GRIN2A: variants seen among roughly 807,000 people sequenced by gnomAD.
The protein encoded by GRIN2A is glutamate receptor ionotropic, NMDA 2A.
GRIN2A carries 22 observed loss-of-function variants against 113.4 expected under a neutral mutation model. The ratio of observed to expected loss-of-function variants is 0.19; its 90% CI spans 0.14 to 0.28. The LOEUF (loss-of-function observed/expected upper bound fraction) is 0.28. Among genes scored for constraint, GRIN2A ranks in the 10% least tolerant of loss-of-function variants. The pLI, the probability that GRIN2A is intolerant of heterozygous loss-of-function variation, is 1.00. For synonymous variants in GRIN2A, 827 were observed against 738.4 expected (o/e 1.12, Z -1.94); for missense variants, 1,502 against 1,887.0 (o/e 0.80, Z 3.78).
rs142292135 is a variant in GRIN2A, at chr16:9,935,775, A to G, written c.1007+2184T>C. 2.0e-4 allele frequency among the ~76,000 whole-genome samples: 30 copies of G among 152,158 alleles called. No homozygotes were observed. In the East Asian group the frequency reaches 5.8e-3, roughly 29 times the overall value. ...CAGTGGTGCGATCTCAGCTCACTGC[A>G]ACCTCTGCCTCTCCCTCTTGGGTTC... On this transcript the variant is annotated intron_variant, in intron 3 of 12. Transcript: ENST00000330684.
chr16:9,929,350 C>T (rs573830955), intron 3 of GRIN2A, among the ~76,000 whole-genome samples: 8 of 152,332 alleles, frequency 5.3e-5, no homozygotes, highest in African/African-American at 1.7e-4. Flanking sequence ...TGTTCCCCAA[C>T]ATTTCTTTCC....
chr16:10,075,897 G>A (rs1338024089), intron 2 of GRIN2A, among the ~76,000 whole-genome samples: 1 of 152,116 alleles, frequency 6.6e-6, no homozygotes, highest in Non-Finnish European at 1.5e-5. Flanking sequence ...TACAACTAGT[G>A]TTTATAACTC....
At chr16:10,124,113 G>A (rs76790181) in intron 2 of GRIN2A, among the ~76,000 whole-genome samples, 4,475 of 152,200 alleles carry the variant, frequency 0.029, 115 homozygotes, top group South Asian at 0.12. Context: ...CATCAGCTTA[G>A]GTTGTTAAAA....
At chr16:9,856,682 A>G (rs945460487) in intron 4 of GRIN2A, among the ~76,000 whole-genome samples, 1 of 152,058 alleles carries the variant, frequency 6.6e-6, no homozygotes, top group African/African-American at 2.4e-5. Flanking sequence ...TTCCGTTTCT[A>G]CTATTCCGAA....
intron 2 of GRIN2A, among the ~76,000 whole-genome samples, chr16:10,087,776 A>C (rs552981115): frequency 6.6e-6 from 1 of 151,828 alleles, no homozygotes; most frequent in East Asian, 1.9e-4. Context: ...TGCAGCCTCC[A>C]TCGGGGCTCA....
chr16:9,800,320 C>T (rs1353566917), intron 10 of GRIN2A, among the ~76,000 whole-genome samples: 1 of 152,050 alleles, frequency 6.6e-6, no homozygotes, highest in Non-Finnish European at 1.5e-5. Context: ...AGTTATTTAA[C>T]GAGGCTGAAA....
Position 9,762,881 on chromosome 16 carries a change from C to T in GRIN2A, c.*268G>A, listed in dbSNP as rs886052553. 1.1e-4 allele frequency: 61 copies of T among 545,524 alleles called. 1 individual carries two copies. Among genetic ancestry groups the T allele is most frequent in the Middle Eastern group, 9.9e-4 (2 of 2,024 alleles). The allele number at this position is 545,524 out of a possible 1,614,324, so 33.8% of individuals were successfully genotyped here. A position where few individuals can be genotyped will look rare whatever the true frequency, so the allele number is the denominator to read the frequency against. On this transcript the variant is annotated 3_prime_UTR_variant, in exon 13 of 13. Transcript: ENST00000330684. ...GCCAACATACCCAGTAGGCATGTCC[C>T]GGAGACTTGCCCTTATGTAGTTAGT...
intron 11 of GRIN2A, among the ~76,000 whole-genome samples, chr16:9,781,089 A>G (rs892613197): frequency 6.6e-6 from 1 of 151,146 alleles, no homozygotes; most frequent in Non-Finnish European, 1.5e-5. Context: ...CTGCCTTTGT[A>G]GCACAAAAAC....
At chr16:10,086,778 G>A (rs1348005399) in intron 2 of GRIN2A, among the ~76,000 whole-genome samples, 3 of 152,134 alleles carry the variant, frequency 2.0e-5, no homozygotes, top group Admixed American at 6.5e-5. Context: ...AGAGCAAGCC[G>A]CAGTGCTAGG....
chr16:9,853,568 T>C (rs1011432784), intron 4 of GRIN2A, among the ~76,000 whole-genome samples: 11 of 152,192 alleles, frequency 7.2e-5, no homozygotes, highest in African/African-American at 2.7e-4. Flanking sequence ...CTGTGGTTTA[T>C]AAGCCACCCA....
At chr16:10,122,826 T>C (rs1271503525) in intron 2 of GRIN2A, among the ~76,000 whole-genome samples, 1 of 152,124 alleles carries the variant, frequency 6.6e-6, no homozygotes, top group East Asian at 1.9e-4. Flanking sequence ...TCAATCATCA[T>C]CTATGCAACC....
At chr16:10,057,770 T>C (rs2047480257) in intron 2 of GRIN2A, among the ~76,000 whole-genome samples, 1 of 152,196 alleles carries the variant, frequency 6.6e-6, no homozygotes, top group African/African-American at 2.4e-5. Flanking sequence ...AAAGTCTGCC[T>C]GGATACTGAA....
chr16:10,172,115 G>C (rs1350437144), intron 2 of GRIN2A, among the ~76,000 whole-genome samples: 2 of 152,216 alleles, frequency 1.3e-5, no homozygotes, highest in Non-Finnish European at 2.9e-5. Context: ...TTCAGAGCTG[G>C]AAGAGATCTT....
At chr16:10,147,489 A>T (rs2049467699) in intron 2 of GRIN2A, among the ~76,000 whole-genome samples, 1 of 147,672 alleles carries the variant, frequency 6.8e-6, no homozygotes, top group Non-Finnish European at 1.5e-5. Context: ...ATAGCCAGGC[A>T]TGCAGGCATG....
At chr16:10,167,682 T>C (rs1431818637) in intron 2 of GRIN2A, among the ~76,000 whole-genome samples, 1 of 152,222 alleles carries the variant, frequency 6.6e-6, no homozygotes, top group Non-Finnish European at 1.5e-5. Flanking sequence ...GAATGCTCTA[T>C]TGTATTATTT....
intron 2 of GRIN2A, among the ~76,000 whole-genome samples, chr16:10,152,955 T>C (rs1384273977): frequency 6.6e-6 from 1 of 152,042 alleles, no homozygotes; most frequent in African/African-American, 2.4e-5. Context: ...AATAAATAGG[T>C]AGAACATAGA....
chr16:9,964,487 G>A (rs1440448710), intron 2 of GRIN2A, among the ~76,000 whole-genome samples: 1 of 152,116 alleles, frequency 6.6e-6, no homozygotes. Context: ...CTCACTTATT[G>A]TCTTATACTT....
intron 2 of GRIN2A, among the ~76,000 whole-genome samples, chr16:9,972,238 A>G (rs1251864408): frequency 1.3e-5 from 2 of 152,224 alleles, no homozygotes; most frequent in Non-Finnish European, 2.9e-5. Flanking sequence ...AAATGTAAGT[A>G]TAACCAGGTT....
chr16:10,179,436 C>G (rs1043723461), intron 2 of GRIN2A: 1 of 163,772 alleles, frequency 6.1e-6, no homozygotes, highest in African/African-American at 2.4e-5. Flanking sequence ...CTCTGTTCCT[C>G]TAACTGCAGA....
Sources: gnomAD v4.1 joint callset for allele counts (sites outside exome capture counted in the v4.1 genomes callset) on GRCh38, gnomAD v4.1.1 for gene constraint, MANE v1.5 for transcripts, NCBI Gene and HGNC (gene_info 2026-07-23, HGNC 2026-07-21) for gene names.